The following KNTC1 variants were observed in gnomAD, a reference collection of about 807,000 sequenced individuals.
KNTC1 encodes kinetochore associated 1.
Under a neutral mutation model 314.4 loss-of-function variants are expected in KNTC1, and 253 were observed. That is an observed-to-expected ratio of 0.80 (90% CI 0.73 to 0.89). The LOEUF (loss-of-function observed/expected upper bound fraction) is 0.89, where lower values mean the gene tolerates loss of function less well. Ranked by LOEUF, KNTC1 falls within the 40% of genes least tolerant of loss-of-function variation. The pLI is 0.00. For missense variants in KNTC1, 2,475 were observed against 2,572.9 expected (o/e 0.96, Z 0.82); for synonymous variants, 901 against 901.4 (o/e 1.00, Z 0.01).
At chr12:122,621,186 C>G (rs1293687139) in intron 60 of KNTC1, among the ~76,000 whole-genome samples, 1 of 152,086 alleles carries the variant, frequency 6.6e-6, no homozygotes, top group Non-Finnish European at 1.5e-5. Context: ...GAGCCACAAG[C>G]ATTTTGGGGA....
intron 2 of KNTC1, among the ~76,000 whole-genome samples, chr12:122,530,915 C>G (rs1961259657): frequency 6.6e-6 from 1 of 152,176 alleles, no homozygotes; most frequent in African/African-American, 2.4e-5. Context: ...TTTTAACTTT[C>G]TTCTGTCAGT....
intron 53 of KNTC1, among the ~76,000 whole-genome samples, chr12:122,612,073 T>G (rs1173550867): frequency 7.1e-6 from 1 of 140,452 alleles, no homozygotes; most frequent in Non-Finnish European, 1.5e-5. Flanking sequence ...TTTTTTGTGT[T>G]TTTTTTTTTT....
At chr12:122,616,580 G>T (rs1198173479) in intron 57 of KNTC1, among the ~76,000 whole-genome samples, 2 of 152,090 alleles carry the variant, frequency 1.3e-5, no homozygotes, top group African/African-American at 2.4e-5. Context: ...TGTTTTACAG[G>T]CATGTATGCT....
At chr12:122,549,651 C>T in intron 12 of KNTC1, 115 bp from the exon 13 acceptor site, 1 of 638,618 alleles carries the variant, frequency 1.6e-6, no homozygotes, top group East Asian at 3.0e-5. Context: ...TAGGCATGAG[C>T]CACCACGCCC....
At chr12:122,528,585 T>C (rs1306635582) in intron 1 of KNTC1, among the ~76,000 whole-genome samples, 1 of 152,198 alleles carries the variant, frequency 6.6e-6, no homozygotes, top group Non-Finnish European at 1.5e-5. Context: ...CTCCTTCAGG[T>C]GGGTACAACT....
At chr12:122,554,686 G>C (rs1275859241) in intron 16 of KNTC1, among the ~76,000 whole-genome samples, 3 of 152,062 alleles carry the variant, frequency 2.0e-5, no homozygotes, top group African/African-American at 7.2e-5. Flanking sequence ...AACCAAAACA[G>C]AAAATCTGTG....
rs374367973 is a variant in KNTC1 at position 122,621,750 on chromosome 12, G to C, written c.6280-131G>C. The C allele has an allele frequency of 2.0e-5, 12 of 604,544 alleles. No homozygotes were observed. The East Asian group carries it at 3.2e-4, about 16-fold the overall frequency. 37.4% of individuals were successfully genotyped at this position (604,544 alleles called of 1,614,324 possible). A position where few individuals can be genotyped will look rare whatever the true frequency, so the allele number is the denominator to read the frequency against. On this transcript the variant is annotated intron_variant, in intron 60 of 63. Coordinates refer to ENST00000333479, the MANE Select transcript of KNTC1 (RefSeq NM_014708.6). ...ATCATTCATACACTCATTCCTTGAT[G>C]TCGTTCAGTGTTTCAGTATTTAAAT...
Position 122,530,110 on chromosome 12 carries a change from G to T in KNTC1, c.47G>T (p.Gly16Val). ...ELLTNDDTGS[G>V]YLSVGSRKEH... ...CTAACAAATGATGATACCGGAAGTG[G>T]GTACCTGAGTGTCGGTTCAAGAAAA... Residue 16 changes from glycine to valine, a missense_variant, in exon 2 of 64, where the codon GGG becomes GTG. Transcript: ENST00000333479. The T allele has an allele frequency of 6.2e-7, 1 of 1,613,752 alleles. No homozygotes were observed. Among genetic ancestry groups the T allele is most frequent in the East Asian group, 2.2e-5 (1 of 44,864 alleles).
At chr12:122,546,421 C>G (rs769447246) in intron 9 of KNTC1, among the ~76,000 whole-genome samples, 152 bp downstream of exon 9, 13 of 152,110 alleles carry the variant, frequency 8.5e-5, no homozygotes, top group Non-Finnish European at 1.9e-4. Flanking sequence ...CAGAACAGTT[C>G]TTGACATGTT....
At position 122,597,869 on chromosome 12, in the gene KNTC1, C is replaced by G. The variant is rs764669417; in HGVS notation, c.4494C>G (p.Ala1498=). ...GGCATCCCAAACTCCTGGCCAAAGC[C>G]CTTGAGATGGTTCCTTTACTGACGA... is the stretch of plus-strand genomic sequence containing the variant. ...KRRHPKLLAK[A]LEMVPLLTST... The change falls in exon 44 of 64, where the codon GCC becomes GCG. Residue 1498 remains alanine (A), a synonymous_variant. Transcript: ENST00000333479. 13 of 1,614,018 alleles carry G rather than the reference C, an allele frequency of 8.1e-6. No homozygotes were observed. In the East Asian group the frequency reaches 2.9e-4, roughly 36 times the overall value.
In KNTC1 at chr12:122,583,108, A is replaced by G. The variant is rs532508033; in HGVS notation, c.3263+123A>G. ...AGGCGGATCACAAGGTCAGGAGATC[A>G]AGACCATCCTGGCTAACATGGTGAA... On this transcript the variant is annotated intron_variant, in intron 34 of 63. Coordinates refer to ENST00000333479, the MANE Select transcript of KNTC1 (RefSeq NM_014708.6). 14 of 841,294 alleles carry G rather than the reference A, an allele frequency of 1.7e-5. No individual in the cohort carries two copies. The East Asian group carries it at 3.7e-4, about 22-fold the overall frequency. The allele number at this position is 841,294 out of a possible 1,614,324, so 52.1% of individuals were successfully genotyped here.
intron 16 of KNTC1, 50 bp downstream of exon 16, chr12:122,551,746 G>A (rs779495646): frequency 7.5e-7 from 1 of 1,327,162 alleles, no homozygotes; most frequent in Non-Finnish European, 1.1e-6. Flanking sequence ...TTCGTCATGG[G>A]CTAGAGGCTG....
At chr12:122,586,665 A>C (rs569117479) in intron 37 of KNTC1, 36 bp from the exon 38 acceptor site, 2 of 1,153,580 alleles carry the variant, frequency 1.7e-6, no homozygotes, top group East Asian at 5.4e-5. Flanking sequence ...GTGGCCATCT[A>C]TTTAGTGTTG....
At chr12:122,546,361 C>A (rs1415789624) in intron 9 of KNTC1, 92 bp downstream of exon 9, 2 of 770,948 alleles carry the variant, frequency 2.6e-6, no homozygotes, top group Non-Finnish European at 4.4e-6. Context: ...GGTCATTTTA[C>A]CCTACCACTC....
At chr12:122,570,955 TAA>T in intron 23 of KNTC1, 23 bp downstream of exon 23, 1 of 1,591,600 alleles carries the variant, frequency 6.3e-7, no homozygotes, top group Non-Finnish European at 8.6e-7. Context: ...TAATTAACAG[TAA>T]AAAGACATTT....
At chr12:122,619,703 C>T (rs1016885243) in intron 59 of KNTC1, among the ~76,000 whole-genome samples, 3 of 152,222 alleles carry the variant, frequency 2.0e-5, no homozygotes, top group East Asian at 3.9e-4. Context: ...TCAGCCACCG[C>T]GCCCGGCCAA....
chr12:122,581,260 G>A (rs1296642445), intron 33 of KNTC1, among the ~76,000 whole-genome samples: 13 of 146,046 alleles, frequency 8.9e-5, no homozygotes, highest in Admixed American at 4.1e-4. Flanking sequence ...GTGCAATGGC[G>A]TGATCTCGGC....
Position 122,557,700 on chromosome 12 carries a change from T to A in KNTC1, c.1488+11T>A. The A allele has an allele frequency of 5.0e-6, 8 of 1,601,678 alleles. No individual in the cohort carries two copies. The highest frequency in any genetic ancestry group is 6.8e-6 in the Non-Finnish European group (8 of 1,172,266). Reference sequence around the variant, plus strand: ...TATGCCAAAACCAGGGTAGGTTCGTTTTTTTGTATTTTGTTTTTTTGGGGC... The same window carrying A: ...TATGCCAAAACCAGGGTAGGTTCGTATTTTTGTATTTTGTTTTTTTGGGGC... On this transcript the variant is annotated intron_variant, in intron 18 of 63. Transcript: ENST00000333479.
In KNTC1 at chr12:122,557,792, G is replaced by A. The variant is rs142271135; in HGVS notation, c.1488+103G>A. The A allele has an allele frequency of 5.9e-4, 444 of 756,272 alleles. 2 individuals are homozygous for A. In the East Asian group the frequency reaches 0.012, roughly 20 times the overall value. The allele number at this position is 756,272 out of a possible 1,614,324, so 46.8% of individuals were successfully genotyped here. A position where few individuals can be genotyped will look rare whatever the true frequency, so the allele number is the denominator to read the frequency against. ...TATATCTTTTCCTCCTATCCGCTAT[G>A]TGTATTATTAATAAAAAAGTTTTTA... On this transcript the variant is annotated intron_variant, in intron 18 of 63. Transcript: ENST00000333479.
Sources: allele counts gnomAD v4.1 joint callset (sites outside exome capture counted in the v4.1 genomes callset), GRCh38; gene constraint gnomAD v4.1.1; transcripts MANE v1.5; gene names NCBI Gene and HGNC (gene_info 2026-07-23, HGNC 2026-07-21).